JADE1: variants seen among roughly 807,000 people sequenced by gnomAD.
JADE1 encodes jade family PHD finger 1, also known as protein Jade-1.
Under a neutral mutation model 81.8 loss-of-function variants are expected in JADE1, and 14 were observed. That is an observed-to-expected ratio of 0.17 (90% CI 0.11 to 0.27). JADE1 has a LOEUF of 0.27. Ranked by LOEUF, JADE1 falls within the 10% of genes least tolerant of loss-of-function variation. The pLI, the probability that JADE1 is intolerant of heterozygous loss-of-function variation, is 1.00. For synonymous variants in JADE1, 353 were observed against 391.9 expected (o/e 0.90, Z 1.17); for missense variants, 690 against 1,047.9 (o/e 0.66, Z 4.71).
At chr4:128,817,698 A>T (rs1727166550) in intron 1 of JADE1, among the ~76,000 whole-genome samples, 1 of 152,232 alleles carries the variant, frequency 6.6e-6, no homozygotes, top group Non-Finnish European at 1.5e-5. Flanking sequence ...GATGCACTTA[A>T]CATATAGAGG....
At chr4:128,813,779 A>C (rs940100353) in intron 1 of JADE1, among the ~76,000 whole-genome samples, 1 of 151,956 alleles carries the variant, frequency 6.6e-6, no homozygotes, top group African/African-American at 2.4e-5. Flanking sequence ...TGTCTTCTTC[A>C]AAGTTTGGAT....
intron 9 of JADE1, among the ~76,000 whole-genome samples, chr4:128,866,281 A>G (rs1731774529): frequency 6.6e-6 from 1 of 152,246 alleles, no homozygotes; most frequent in African/African-American, 2.4e-5. Context: ...CTTTAAATTT[A>G]AAATAAGACA....
intron 2 of JADE1, among the ~76,000 whole-genome samples, chr4:128,834,602 T>A (rs1579147047): frequency 6.8e-6 from 1 of 147,736 alleles, no homozygotes; most frequent in Non-Finnish European, 1.5e-5. Flanking sequence ...TGGCATGATC[T>A]CGGCTCACTG....
chr4:128,852,311 G>T, intron 6 of JADE1, 43 bp downstream of exon 6: 2 of 1,517,588 alleles, frequency 1.3e-6, no homozygotes, highest in Non-Finnish European at 1.8e-6. Context: ...CCTGGGGCAT[G>T]AGCCTGTCTG....
chr4:128,856,016 A>C (rs1389111120), intron 7 of JADE1, among the ~76,000 whole-genome samples: 1 of 151,992 alleles, frequency 6.6e-6, no homozygotes, highest in Non-Finnish European at 1.5e-5. Flanking sequence ...AGGGGATCTC[A>C]CTTTGTTGAC....
At position 128,862,168 on chromosome 4, in the gene JADE1, G is replaced by A. The variant is rs752915559; in HGVS notation, c.1446G>A (p.Gln482=). Residue 482 remains glutamine (Q), a synonymous_variant, in exon 9 of 11, where the codon CAG becomes CAA. Coordinates refer to ENST00000226319, the MANE Select transcript of JADE1 (RefSeq NM_199320.4). ...AGGACAATCTAGCCAAGCGGGAGCA[G>A]GATGTCTTATTTAGGAGGCTGCAGC... ...DEEDNLAKRE[Q]DVLFRRLQLF... 16 of 1,614,210 alleles carry A rather than the reference G, an allele frequency of 9.9e-6. No individual in the cohort carries two copies. Among genetic ancestry groups the A allele is most frequent in the Non-Finnish European group, 1.2e-5 (14 of 1,180,032 alleles).
chr4:128,862,614 G>A (rs750633235), intron 9 of JADE1: 24 of 1,027,954 alleles, frequency 2.3e-5, no homozygotes, highest in Non-Finnish European at 2.7e-5. Context: ...AAACCAGAAC[G>A]GATTTCATTT....
intron 1 of JADE1, among the ~76,000 whole-genome samples, chr4:128,830,309 C>G (rs1037860570): frequency 1.3e-5 from 2 of 149,998 alleles, no homozygotes; most frequent in African/African-American, 4.9e-5. Context: ...TCTCGGCTCA[C>G]TGCAACCTCC....
At chr4:128,821,909 T>C (rs1727609048) in intron 1 of JADE1, among the ~76,000 whole-genome samples, 1 of 152,232 alleles carries the variant, frequency 6.6e-6, no homozygotes, top group African/African-American at 2.4e-5. Flanking sequence ...CCTTCTAATG[T>C]TGGCTGTTTT....
At chr4:128,849,673 G>A (rs1300738445) in intron 5 of JADE1, among the ~76,000 whole-genome samples, 1 of 152,124 alleles carries the variant, frequency 6.6e-6, no homozygotes, top group African/African-American at 2.4e-5. Flanking sequence ...TTTTCCCTCC[G>A]TTTATCTCTG....
chr4:128,847,417 A>G (rs965331531), intron 4 of JADE1, among the ~76,000 whole-genome samples: 1 of 152,074 alleles, frequency 6.6e-6, no homozygotes, highest in Admixed American at 6.5e-5. Context: ...ATCTCTGGGG[A>G]GTCTATCCAG....
chr4:128,845,390 G>A (rs1294614320), intron 3 of JADE1, among the ~76,000 whole-genome samples: 1 of 152,182 alleles, frequency 6.6e-6, no homozygotes, highest in Non-Finnish European at 1.5e-5. Context: ...TGGGGAGAGG[G>A]TAGTGACTTT....
At position 128,862,397 on chromosome 4, in the gene JADE1, C is replaced by T. The variant is rs1731411928; in HGVS notation, c.1503+172C>T. The T allele has an allele frequency of 4.2e-6, 6 of 1,431,926 alleles. No individual in the cohort carries two copies. In the South Asian group the frequency reaches 9.2e-5, roughly 22 times the overall value. 88.7% of individuals were successfully genotyped at this position (1,431,926 alleles called of 1,614,324 possible). A position where few individuals can be genotyped will look rare whatever the true frequency, so the allele number is the denominator to read the frequency against. On this transcript the variant is annotated intron_variant, in intron 9 of 10. Transcript: ENST00000226319. Reference sequence around the variant, plus strand: ...TTTATGGGCTGGTAAACTCATTGTACATATGTGCAAAACTGCTACTGAGTG... The same window carrying T: ...TTTATGGGCTGGTAAACTCATTGTATATATGTGCAAAACTGCTACTGAGTG...
chr4:128,868,535 A>G (rs773220713), intron 10 of JADE1, among the ~76,000 whole-genome samples: 3 of 152,146 alleles, frequency 2.0e-5, no homozygotes, highest in Non-Finnish European at 2.9e-5. Flanking sequence ...TCTATTTTAT[A>G]TTGCCCTGGG....
chr4:128,826,850 T>A (rs1202676436), intron 1 of JADE1, among the ~76,000 whole-genome samples: 1 of 152,216 alleles, frequency 6.6e-6, no homozygotes, highest in Non-Finnish European at 1.5e-5. Flanking sequence ...ACCAAAACTT[T>A]AGTCACGCTC....
chr4:128,813,253 C>T (rs1726646615), intron 1 of JADE1, among the ~76,000 whole-genome samples: 1 of 152,128 alleles, frequency 6.6e-6, no homozygotes, highest in East Asian at 1.9e-4. Context: ...ATTGAGTCAA[C>T]ACTTTTGATG....
intron 8 of JADE1, among the ~76,000 whole-genome samples, chr4:128,859,557 ATGTG>A (rs1034855696): frequency 2.8e-5 from 3 of 107,142 alleles, no homozygotes; most frequent in East Asian, 3.5e-4. Context: ...GTATATGTGT[ATGTG>A]TGTGAGTATG....
intron 8 of JADE1, among the ~76,000 whole-genome samples, chr4:128,861,391 G>A (rs368205700): frequency 3.9e-5 from 6 of 152,182 alleles, no homozygotes; most frequent in African/African-American, 1.2e-4. Context: ...TTGGCTGGGC[G>A]CAGTGGCTCA....
intron 3 of JADE1, among the ~76,000 whole-genome samples, chr4:128,843,772 CTTATGGGATG>C (rs1304862872): frequency 7.9e-5 from 12 of 152,304 alleles, no homozygotes; most frequent in Non-Finnish European, 1.3e-4. Flanking sequence ...TGTGCTGCTT[CTTATGGGATG>C]AGTTCACAAA....
Sources: gnomAD v4.1 joint callset for allele counts (sites outside exome capture counted in the v4.1 genomes callset) on GRCh38, gnomAD v4.1.1 for gene constraint, MANE v1.5 for transcripts, NCBI Gene and HGNC (gene_info 2026-07-23, HGNC 2026-07-21) for gene names.